The following AFDN variants were observed in gnomAD, a reference collection of about 807,000 sequenced individuals.
The protein encoded by AFDN is afadin, adherens junction formation factor, also known as afadin.
A neutral mutation model predicts 216.6 loss-of-function variants in AFDN; 68 were observed. The ratio of observed to expected loss-of-function variants is 0.31; its 90% CI spans 0.26 to 0.38. The LOEUF (loss-of-function observed/expected upper bound fraction) is 0.38, where lower values mean the gene tolerates loss of function less well. Ranked by LOEUF, AFDN falls within the 10% of genes least tolerant of loss-of-function variation. The pLI is 1.00. For synonymous variants in AFDN, 868 were observed against 853.7 expected (o/e 1.02, Z -0.29); for missense variants, 2,136 against 2,342.0 (o/e 0.91, Z 1.82).
upstream of AFDN, chr6:167,826,609 C>T (rs1167232307): frequency 1.9e-6 from 1 of 517,372 alleles, no homozygotes; most frequent in African/African-American, 1.9e-5. Context: ...ACCCATCGGA[C>T]CCAGCACTGC....
chr6:167,966,653 C>T (rs546914057), intron 32 of AFDN, among the ~76,000 whole-genome samples: 1 of 152,284 alleles, frequency 6.6e-6, no homozygotes, highest in Admixed American at 6.5e-5. Flanking sequence ...GCTGTAGTGT[C>T]TCTAGAGACA....
intron 11 of AFDN, among the ~76,000 whole-genome samples, chr6:167,899,990 T>C (rs1788743820): frequency 6.6e-6 from 1 of 152,216 alleles, no homozygotes; most frequent in Non-Finnish European, 1.5e-5. Flanking sequence ...ATTTTTGCCA[T>C]GTGGATCCTG....
chr6:167,896,369 T>C (rs1326133733), intron 9 of AFDN, among the ~76,000 whole-genome samples: 1 of 152,208 alleles, frequency 6.6e-6, no homozygotes, highest in African/African-American at 2.4e-5. Context: ...TGCTTAGGCC[T>C]CATCCCCAAG....
Position 167,869,717 on chromosome 6 carries a change from G to A in AFDN, c.302-669G>A, listed in dbSNP as rs143918414. Among the ~76,000 whole-genome samples, 401 of 152,342 alleles carry A rather than the reference G, an allele frequency of 2.6e-3. 2 individuals are homozygous for A. The highest frequency in any genetic ancestry group is 9.4e-3 in the African/African-American group (390 of 41,582). On this transcript the variant is annotated intron_variant, in intron 2 of 33. Transcript: ENST00000683244. ...TGGTCAGGCTGTGTGAGGCTCTCACGGAGACCCTCCGTGGAGTACCATGTT... is the reference window on the plus strand; with the variant it reads ...TGGTCAGGCTGTGTGAGGCTCTCACAGAGACCCTCCGTGGAGTACCATGTT...
chr6:167,927,085 T>A (rs1395576451), intron 23 of AFDN, among the ~76,000 whole-genome samples: 1 of 152,148 alleles, frequency 6.6e-6, no homozygotes, highest in Non-Finnish European at 1.5e-5. Context: ...ATCTTAGTCA[T>A]AACAACACAA....
At chr6:167,847,083 C>G (rs1012197347) in intron 1 of AFDN, among the ~76,000 whole-genome samples, 26 of 152,128 alleles carry the variant, frequency 1.7e-4, no homozygotes, top group Non-Finnish European at 3.8e-4. Context: ...CAGCTTTTAA[C>G]TTCACGAAAA....
chr6:167,948,989 G>A (rs1046604101), intron 29 of AFDN, among the ~76,000 whole-genome samples: 1 of 152,242 alleles, frequency 6.6e-6, no homozygotes, highest in African/African-American at 2.4e-5. Flanking sequence ...TAGTAGTTCA[G>A]CAGGAACCCT....
intron 1 of AFDN, among the ~76,000 whole-genome samples, chr6:167,851,162 A>C (rs967893938): frequency 6.6e-6 from 1 of 152,210 alleles, no homozygotes; most frequent in Non-Finnish European, 1.5e-5. Flanking sequence ...TTTTCACGTC[A>C]TATATACAGA....
intron 30 of AFDN, 167 bp downstream of exon 30, chr6:167,952,354 T>C (rs898799626): frequency 6.6e-7 from 1 of 1,503,988 alleles, no homozygotes; most frequent in Admixed American, 2.3e-5. Context: ...CGTAGAGAAA[T>C]GAGTCAGGCC....
chr6:167,888,152 G>C (rs1245421521), intron 6 of AFDN, among the ~76,000 whole-genome samples: 1 of 152,202 alleles, frequency 6.6e-6, no homozygotes, highest in Non-Finnish European at 1.5e-5. Flanking sequence ...TCCTGAAGTA[G>C]TATGTGTTCT....
At chr6:167,850,273 GT>G (rs1254463113) in intron 1 of AFDN, among the ~76,000 whole-genome samples, 2 of 152,120 alleles carry the variant, frequency 1.3e-5, no homozygotes, top group African/African-American at 4.8e-5. Flanking sequence ...TCATGGATGT[GT>G]TTTGTGTGAA....
At chr6:167,893,840 C>T in intron 8 of AFDN, 22 bp from the exon 9 acceptor site, 2 of 1,571,574 alleles carry the variant, frequency 1.3e-6, no homozygotes, top group Non-Finnish European at 1.7e-6. Context: ...CACCTGGGTC[C>T]TGGCATGTGT....
chr6:167,939,776 C>CG (rs2128610053), intron 23 of AFDN, among the ~76,000 whole-genome samples: 1 of 152,108 alleles, frequency 6.6e-6, no homozygotes, highest in South Asian at 2.1e-4. Flanking sequence ...CAAATAGGGG[C>CG]GGTGAGGAGG....
At chr6:167,867,390 T>G (rs1003997927) in intron 2 of AFDN, among the ~76,000 whole-genome samples, 1 of 152,118 alleles carries the variant, frequency 6.6e-6, no homozygotes, top group Middle Eastern at 3.2e-3. Flanking sequence ...ATAACTAGCA[T>G]TTCTATTGTT....
At chr6:167,826,688 G>A, upstream of AFDN, 1 of 447,402 alleles carries the variant, frequency 2.2e-6, no homozygotes, top group Non-Finnish European at 4.5e-6. Flanking sequence ...ACCCGGTACC[G>A]CCGGTTGGGA....
Position 167,871,107 on chromosome 6 carries a change from TC to T in AFDN, c.414+616del, listed in dbSNP as rs375380129. Among the ~76,000 whole-genome samples, 861 of 141,270 alleles carry T rather than the reference TC, an allele frequency of 6.1e-3. 11 individuals carry two copies. Among genetic ancestry groups the T allele is most frequent in the African/African-American group, 0.02 (787 of 38,630 alleles). The allele number at this position is 141,270 out of a possible 152,430, so 92.7% of individuals were successfully genotyped here. A position where few individuals can be genotyped will look rare whatever the true frequency, so the allele number is the denominator to read the frequency against. Reference sequence around the variant, plus strand: ...TTTTATGAAAAATCTTCCATTTCATTCCCCCCCGCCCCGCCCCCCAACAGAT... The same window carrying T: ...TTTTATGAAAAATCTTCCATTTCATTCCCCCCGCCCCGCCCCCCAACAGAT... On this transcript the variant is annotated intron_variant, in intron 3 of 33. Coordinates refer to ENST00000683244, the MANE Select transcript of AFDN (RefSeq NM_001386888.1).
At chr6:167,966,654 T>C (rs1797596051) in intron 32 of AFDN, among the ~76,000 whole-genome samples, 1 of 152,234 alleles carries the variant, frequency 6.6e-6, no homozygotes, top group Admixed American at 6.5e-5. Context: ...CTGTAGTGTC[T>C]CTAGAGACAA....
At chr6:167,866,020 C>T (rs1784138623) in intron 2 of AFDN, among the ~76,000 whole-genome samples, 1 of 152,058 alleles carries the variant, frequency 6.6e-6, no homozygotes, top group Non-Finnish European at 1.5e-5. Context: ...AGGGTGTTCT[C>T]AATTTTGGGT....
chr6:167,953,011 C>T (rs1231899371), intron 30 of AFDN, among the ~76,000 whole-genome samples: 1 of 152,168 alleles, frequency 6.6e-6, no homozygotes, highest in Non-Finnish European at 1.5e-5. Context: ...GACTTTGTTA[C>T]TCTATAAAGA....
Sources: gnomAD v4.1 joint callset for allele counts (sites outside exome capture counted in the v4.1 genomes callset) on GRCh38, gnomAD v4.1.1 for gene constraint, MANE v1.5 for transcripts, NCBI Gene and HGNC (gene_info 2026-07-23, HGNC 2026-07-21) for gene names.